Variants in SH3PXD2A observed in about 807,000 individuals in gnomAD.
The protein encoded by SH3PXD2A is SH3 and PX domain-containing protein 2A.
SH3PXD2A carries 32 observed loss-of-function variants against 115.2 expected under a neutral mutation model. The ratio of observed to expected loss-of-function variants is 0.28; its 90% CI spans 0.21 to 0.37. The LOEUF is 0.37. Ranked by LOEUF, SH3PXD2A falls within the 10% of genes least tolerant of loss-of-function variation. The probability of loss-of-function intolerance (pLI) is 1.00; values close to 1 mark genes in which losing one functional copy is unlikely to be tolerated. For missense variants in SH3PXD2A, 1,328 were observed against 1,498.7 expected (o/e 0.89, Z 1.88); for synonymous variants, 610 against 629.1 (o/e 0.97, Z 0.45).
intron 6 of SH3PXD2A, among the ~76,000 whole-genome samples, chr10:103,672,315 G>C (rs1718429001): frequency 6.6e-6 from 1 of 152,200 alleles, no homozygotes; most frequent in South Asian, 2.1e-4. Context: ...GGGCCTCAGT[G>C]CTCACATCTG....
intron 8 of SH3PXD2A, among the ~76,000 whole-genome samples, chr10:103,632,477 G>C (rs143993628): frequency 7.7e-4 from 118 of 152,326 alleles, no homozygotes; most frequent in African/African-American, 2.7e-3. Context: ...GGTGGGGTCA[G>C]CGCAGGGAAT....
At chr10:103,801,772 C>T (rs140761542) in intron 1 of SH3PXD2A, among the ~76,000 whole-genome samples, 1,528 of 151,892 alleles carry the variant, frequency 0.01, 32 homozygotes, top group African/African-American at 0.035. Flanking sequence ...GGTGTGATCT[C>T]GGTTTACCGC....
At chr10:103,815,239 A>C (rs1409746403) in intron 1 of SH3PXD2A, among the ~76,000 whole-genome samples, 1 of 152,164 alleles carries the variant, frequency 6.6e-6, no homozygotes, top group Admixed American at 6.5e-5. Flanking sequence ...TTTGTGTTTC[A>C]AAAGACATCA....
intron 1 of SH3PXD2A, among the ~76,000 whole-genome samples, chr10:103,804,994 G>A (rs2039186820): frequency 6.6e-6 from 1 of 152,298 alleles, no homozygotes; most frequent in Non-Finnish European, 1.5e-5. Flanking sequence ...CACCCCAGGA[G>A]CTAAATGTGA....
chr10:103,787,981 C>T (rs2038996644), intron 2 of SH3PXD2A, among the ~76,000 whole-genome samples: 1 of 152,076 alleles, frequency 6.6e-6, no homozygotes, highest in Non-Finnish European at 1.5e-5. Flanking sequence ...TGTCTCCTCA[C>T]CAGCCCCAAA....
intron 1 of SH3PXD2A, among the ~76,000 whole-genome samples, chr10:103,814,582 G>A (rs529994056): frequency 6.6e-6 from 1 of 152,286 alleles, no homozygotes; most frequent in South Asian, 2.1e-4. Flanking sequence ...TGGGGCAAGG[G>A]ACGAGTGACC....
At chr10:103,724,607 T>C (rs2038219067) in intron 4 of SH3PXD2A, among the ~76,000 whole-genome samples, 2 of 151,928 alleles carry the variant, frequency 1.3e-5, no homozygotes. Flanking sequence ...CTCAACTAAC[T>C]AGCCAGCCAA....
chr10:103,608,044 A>C (rs188316192), intron 13 of SH3PXD2A, among the ~76,000 whole-genome samples: 42 of 149,202 alleles, frequency 2.8e-4, no homozygotes, highest in Admixed American at 2.6e-3. Flanking sequence ...TGCCTAGAAA[A>C]ACCAGAGACC....
At chr10:103,638,531 G>A (rs995517456) in intron 8 of SH3PXD2A, among the ~76,000 whole-genome samples, 4 of 152,358 alleles carry the variant, frequency 2.6e-5, no homozygotes, top group East Asian at 1.9e-4. Context: ...GACAGGTAGC[G>A]GAGAATGGTT....
In SH3PXD2A at chr10:103,617,391, T is replaced by C. The variant is rs1171609167; in HGVS notation, c.803-77A>G. The C allele has an allele frequency of 2.8e-5, 29 of 1,046,644 alleles. No homozygotes were observed. The East Asian group carries it at 6.6e-4, about 24-fold the overall frequency. 64.8% of individuals were successfully genotyped at this position (1,046,644 alleles called of 1,614,324 possible). A position where few individuals can be genotyped will look rare whatever the true frequency, so the allele number is the denominator to read the frequency against. Reference sequence around the variant, plus strand: ...TGCTTCCTGTCCCCTCCTCCTGCCCTGGCCTGGCTTTTGCTCAACTGCTTG... The same window carrying C: ...TGCTTCCTGTCCCCTCCTCCTGCCCCGGCCTGGCTTTTGCTCAACTGCTTG... On this transcript the variant is annotated intron_variant, in intron 10 of 14. Coordinates refer to ENST00000369774, the MANE Select transcript of SH3PXD2A (RefSeq NM_001394015.1).
chr10:103,666,617 C>T lies in SH3PXD2A; in HGVS notation c.472+1991G>A, dbSNP rs2037386764. On this transcript the variant is annotated intron_variant, in intron 7 of 14. Transcript: ENST00000369774. The surrounding 1 kb of genome is among the most constrained non-coding windows in gnomAD (Gnocchi z 4.5). ...GTCTGAGGTCCAGTCCTGCTTTGCCCTTACTAGCTCTGAGATCCTGGGGAG... is the reference window on the plus strand; with the variant it reads ...GTCTGAGGTCCAGTCCTGCTTTGCCTTTACTAGCTCTGAGATCCTGGGGAG... 6.6e-6 allele frequency among the ~76,000 whole-genome samples: 1 copy of T among 152,212 alleles called. No individual in the cohort carries two copies. Among genetic ancestry groups the T allele is most frequent in the Non-Finnish European group, 1.5e-5 (1 of 68,040 alleles).
At chr10:103,757,426 A>C (rs1282790988) in intron 3 of SH3PXD2A, among the ~76,000 whole-genome samples, 1 of 152,194 alleles carries the variant, frequency 6.6e-6, no homozygotes, top group Non-Finnish European at 1.5e-5. Context: ...TTTTCGGCCC[A>C]GATCAGAAAG....
intron 1 of SH3PXD2A, among the ~76,000 whole-genome samples, chr10:103,854,665 G>C (rs1253184230): frequency 1.3e-5 from 2 of 152,222 alleles, no homozygotes; most frequent in Admixed American, 6.5e-5. Context: ...GGAAATCAAA[G>C]CTTAGCGCGG....
rs995686902 is a variant in SH3PXD2A, at chr10:103,599,528, A to G, written c.*2288T>C. 3 of 152,600 alleles carry G rather than the reference A, an allele frequency of 2.0e-5. No individual in the cohort carries two copies. The highest frequency in any genetic ancestry group is 7.2e-5 in the African/African-American group (3 of 41,446). 9.5% of individuals were successfully genotyped at this position (152,600 alleles called of 1,614,324 possible). On this transcript the variant is annotated 3_prime_UTR_variant, in exon 15 of 15. Transcript: ENST00000369774. ...TTTACCTGACAGTCACTCTACTTTTAAATTTTATTTTAAATAGTCATAAAT... is the reference window on the plus strand; with the variant it reads ...TTTACCTGACAGTCACTCTACTTTTGAATTTTATTTTAAATAGTCATAAAT...
intron 2 of SH3PXD2A, among the ~76,000 whole-genome samples, chr10:103,793,357 C>T (rs760122870): frequency 2.6e-5 from 4 of 152,032 alleles, no homozygotes; most frequent in Admixed American, 6.6e-5. Context: ...TATTATCATA[C>T]TATAAGTACT....
chr10:103,755,787 C>T (rs1298135387), intron 3 of SH3PXD2A, among the ~76,000 whole-genome samples: 1 of 152,234 alleles, frequency 6.6e-6, no homozygotes, highest in African/African-American at 2.4e-5. Flanking sequence ...TGGAAGTTCT[C>T]TCTGAGATCC....
intron 6 of SH3PXD2A, among the ~76,000 whole-genome samples, chr10:103,689,354 T>G (rs1429455264): frequency 6.6e-6 from 1 of 152,000 alleles, no homozygotes. Flanking sequence ...AGTTGGCAGG[T>G]AAAAGACAAG....
intron 5 of SH3PXD2A, among the ~76,000 whole-genome samples, chr10:103,715,261 G>T (rs1000713678): frequency 1.3e-5 from 2 of 152,202 alleles, no homozygotes. Flanking sequence ...CATGTACCAC[G>T]GGGGCCTTGC....
At chr10:103,628,200 G>A (rs1010813651) in intron 8 of SH3PXD2A, among the ~76,000 whole-genome samples, 2 of 152,172 alleles carry the variant, frequency 1.3e-5, no homozygotes, top group Non-Finnish European at 2.9e-5. Flanking sequence ...GGGGAAAACC[G>A]CCAGGTACCA....
Sources: allele counts gnomAD v4.1 joint callset (sites outside exome capture counted in the v4.1 genomes callset), GRCh38; gene constraint gnomAD v4.1.1; non-coding constraint Gnocchi (gnomAD v3.1); transcripts MANE v1.5; gene names NCBI Gene and HGNC (gene_info 2026-07-23, HGNC 2026-07-21).